EHMT1: variants seen among roughly 807,000 people sequenced by gnomAD.
EHMT1 encodes histone-lysine N-methyltransferase EHMT1.
EHMT1 carries 15 observed loss-of-function variants against 147.2 expected under a neutral mutation model. That is an observed-to-expected ratio of 0.10 (90% CI 0.07 to 0.16). EHMT1 has a LOEUF of 0.16. Ranked by LOEUF, EHMT1 falls within the 10% of genes least tolerant of loss-of-function variation. The pLI, the probability that EHMT1 is intolerant of heterozygous loss-of-function variation, is 1.00. For missense variants in EHMT1, 1,587 were observed against 1,772.4 expected (o/e 0.90, Z 1.88); for synonymous variants, 795 against 709.6 (o/e 1.12, Z -1.91).
chr9:137,671,520 C>CTTTTTT (rs71493689), intron 1 of EHMT1, among the ~76,000 whole-genome samples: 21 of 105,332 alleles, frequency 2.0e-4, no homozygotes, highest in African/African-American at 3.4e-4. Context: ...CCTTTTCTTT[C>CTTTTTT]TTTTTTTTTT....
Position 137,779,622 on chromosome 9 carries a change from G to T in EHMT1, c.2193-13G>T, listed in dbSNP as rs765481057. 4 of 1,613,568 alleles carry T rather than the reference G, an allele frequency of 2.5e-6. No homozygotes were observed. Among genetic ancestry groups the T allele is most frequent in the Admixed American group, 3.3e-5 (2 of 60,004 alleles). On this transcript the variant is annotated splice_polypyrimidine_tract_variant and intron_variant, in intron 13 of 26. Transcript: ENST00000460843. ...AGAGCCCCATGCTGACTGTTGTCTT[G>T]TGCTTCCCACAGACCCAAGAAGCTT...
intron 17 of EHMT1, among the ~76,000 whole-genome samples, chr9:137,799,955 G>C (rs1253521867): frequency 6.6e-6 from 1 of 152,252 alleles, no homozygotes; most frequent in Non-Finnish European, 1.5e-5. Context: ...GCGCTCTGCT[G>C]TCCCTGCTGT....
chr9:137,646,504 A>C, intron 1 of EHMT1: 1 of 952,630 alleles, frequency 1.0e-6, no homozygotes, highest in South Asian at 4.9e-5. Flanking sequence ...GCTAGTCAGC[A>C]GGTGGAAAGC....
chr9:137,726,087 C>CGTGTGT (rs34091165), intron 3 of EHMT1, among the ~76,000 whole-genome samples: 20 of 150,636 alleles, frequency 1.3e-4, no homozygotes, highest in South Asian at 6.3e-4. Context: ...GGTGCCTTGT[C>CGTGTGT]GTGTGTGTGT....
At chr9:137,673,499 C>G (rs148407708) in intron 1 of EHMT1, among the ~76,000 whole-genome samples, 63 of 152,280 alleles carry the variant, frequency 4.1e-4, no homozygotes, top group Admixed American at 2.4e-3. Flanking sequence ...TGCAGTGTCC[C>G]TGGTGGCTGA....
intron 1 of EHMT1, among the ~76,000 whole-genome samples, chr9:137,666,627 G>A (rs958318696): frequency 1.3e-5 from 2 of 152,244 alleles, no homozygotes; most frequent in African/African-American, 4.8e-5. Flanking sequence ...CCTTGGCTGT[G>A]AGGATGGCAT....
At chr9:137,825,387 A>T (rs1564831905) in intron 25 of EHMT1, among the ~76,000 whole-genome samples, 1 of 152,168 alleles carries the variant, frequency 6.6e-6, no homozygotes, top group East Asian at 1.9e-4. Context: ...CTTTTCCACA[A>T]TATCATGTAA....
intron 4 of EHMT1, among the ~76,000 whole-genome samples, chr9:137,736,433 G>C (rs1564661955): frequency 6.6e-6 from 1 of 152,196 alleles, no homozygotes; most frequent in East Asian, 1.9e-4. Flanking sequence ...TAGCAAATAA[G>C]AAAGGAAATG....
intron 25 of EHMT1, among the ~76,000 whole-genome samples, chr9:137,829,708 T>G (rs1956063041): frequency 6.6e-6 from 1 of 152,262 alleles, no homozygotes; most frequent in Non-Finnish European, 1.5e-5. Flanking sequence ...GCCAACGGCC[T>G]GAGAAATCCC....
chr9:137,674,973 T>A (rs532200226), intron 1 of EHMT1: 2 of 152,312 alleles, frequency 1.3e-5, no homozygotes, highest in Middle Eastern at 6.8e-3. Flanking sequence ...GGACCAGGTA[T>A]GTGGGGTGTG....
intron 1 of EHMT1, among the ~76,000 whole-genome samples, chr9:137,650,223 T>G (rs971440280): frequency 6.6e-6 from 1 of 152,076 alleles, no homozygotes; most frequent in African/African-American, 2.4e-5. Context: ...CTTAGCCTCC[T>G]TAATAGTTAG....
rs760748004 is a variant in EHMT1, at chr9:137,817,428, CTA to C, written c.3375-9_3375-8del. 1 of 1,613,458 alleles carries C rather than the reference CTA, an allele frequency of 6.2e-7. No homozygotes were observed. Among genetic ancestry groups the C allele is most frequent in the Non-Finnish European group, 8.5e-7 (1 of 1,179,662 alleles). ...TGTGGCCTGGGTTCACCACTACTCT[CTA>C]TTTTTCAGGGCAAGGCTGCAGCTCT... On this transcript the variant is annotated splice_polypyrimidine_tract_variant and intron_variant, in intron 23 of 26. Transcript: ENST00000460843.
In EHMT1 at chr9:137,822,948, G is replaced by A. The variant is rs181445238; in HGVS notation, c.3540+4810G>A. ...TGTTGTTGTTGTTTGTTTGTTTATT[G>A]AGATGGAGTTTCGCTCTTGTCGCCC... On this transcript the variant is annotated intron_variant, in intron 25 of 26. Transcript: ENST00000460843. Among the ~76,000 whole-genome samples, 13 of 150,294 alleles carry A rather than the reference G, an allele frequency of 8.6e-5. No homozygotes were observed. In the East Asian group the frequency reaches 2.4e-3, roughly 28 times the overall value.
intron 1 of EHMT1, among the ~76,000 whole-genome samples, chr9:137,669,414 C>CGACTCCACCCAAGACGCCCCCACAG (rs1940202649): frequency 6.1e-5 from 2 of 32,808 alleles, no homozygotes; most frequent in Non-Finnish European, 1.3e-4. Flanking sequence ...CACGTGCACT[C>CGACTCCACCCAAGACGCCCCCACAG]CACGACTGCA....
chr9:137,678,948 TA>T (rs1941669200), intron 1 of EHMT1, among the ~76,000 whole-genome samples: 1 of 151,976 alleles, frequency 6.6e-6, no homozygotes, highest in Non-Finnish European at 1.5e-5. Flanking sequence ...TTATTTATCT[TA>T]TTTTATTTTA....
At chr9:137,728,898 A>G (rs1398725821) in intron 4 of EHMT1, among the ~76,000 whole-genome samples, 1 of 152,162 alleles carries the variant, frequency 6.6e-6, no homozygotes, top group Non-Finnish European at 1.5e-5. Flanking sequence ...TCTGTGGCCC[A>G]GGGTGAGGAC....
At chr9:137,734,698 GC>G (rs1460892617) in intron 4 of EHMT1, among the ~76,000 whole-genome samples, 1 of 152,182 alleles carries the variant, frequency 6.6e-6, no homozygotes, top group Non-Finnish European at 1.5e-5. Flanking sequence ...AATCTTGAAA[GC>G]AGATGAGAAA....
At chr9:137,833,223 G>C (rs916733655) in intron 25 of EHMT1, among the ~76,000 whole-genome samples, 1 of 152,224 alleles carries the variant, frequency 6.6e-6, no homozygotes, top group East Asian at 1.9e-4. Flanking sequence ...CTGCCGGCAG[G>C]CCCCGCCCTC....
intron 1 of EHMT1, among the ~76,000 whole-genome samples, chr9:137,676,662 G>T (rs113875406): frequency 2.0e-5 from 3 of 152,274 alleles, no homozygotes; most frequent in African/African-American, 7.2e-5. Flanking sequence ...TTGTGCAGAG[G>T]AGGGAACCTG....
Sources: gnomAD v4.1 joint callset for allele counts (sites outside exome capture counted in the v4.1 genomes callset) on GRCh38, gnomAD v4.1.1 for gene constraint, MANE v1.5 for transcripts, NCBI Gene and HGNC (gene_info 2026-07-23, HGNC 2026-07-21) for gene names.